MSI2: variants seen among roughly 807,000 people sequenced by gnomAD.
The protein encoded by MSI2 is musashi RNA binding protein 2.
A neutral mutation model predicts 45.6 loss-of-function variants in MSI2; 17 were observed. The observed-to-expected ratio is 0.37, with a 90% CI of 0.26 to 0.56. MSI2 has a LOEUF of 0.56. Ranked by LOEUF, MSI2 falls within the 20% of genes least tolerant of loss-of-function variation. The probability of loss-of-function intolerance (pLI) is 0.77; values close to 1 mark genes in which losing one functional copy is unlikely to be tolerated. For missense variants in MSI2, 293 were observed against 444.2 expected, an observed-to-expected ratio of 0.66 and a Z score of 3.06; for synonymous variants, 156 against 158.2, an observed-to-expected ratio of 0.99 and a Z score of 0.11.
At chr17:57,599,467 C>T (rs1905620733) in intron 8 of MSI2, among the ~76,000 whole-genome samples, 1 of 152,212 alleles carries the variant, frequency 6.6e-6, no homozygotes, top group Non-Finnish European at 1.5e-5. Context: ...ACCCATGGGG[C>T]TGGCTTGAAG....
intron 5 of MSI2, among the ~76,000 whole-genome samples, chr17:57,380,208 A>G (rs761059952): frequency 7.9e-5 from 12 of 152,136 alleles, no homozygotes; most frequent in Non-Finnish European, 1.5e-4. Flanking sequence ...GGAGCCACCC[A>G]CAATAGCATT....
intron 6 of MSI2, among the ~76,000 whole-genome samples, chr17:57,506,127 G>A (rs1217971426): frequency 3.9e-5 from 6 of 152,212 alleles, no homozygotes; most frequent in Non-Finnish European, 5.9e-5. Flanking sequence ...GTGGCAAGCG[G>A]AGGTGGGACG....
At chr17:57,469,970 G>A (rs954468583) in intron 6 of MSI2, among the ~76,000 whole-genome samples, 5 of 152,150 alleles carry the variant, frequency 3.3e-5, no homozygotes, top group African/African-American at 7.2e-5. Context: ...GATGCCTCAC[G>A]CTCTTTTCCC....
intron 5 of MSI2, among the ~76,000 whole-genome samples, chr17:57,297,897 A>G (rs186174096): frequency 1.4e-4 from 22 of 152,328 alleles, no homozygotes; most frequent in African/African-American, 4.6e-4. Context: ...GATTGCCGCA[A>G]TTCAGTCACA....
At chr17:57,566,114 C>T (rs1310156564) in intron 7 of MSI2, 2 of 152,134 alleles carry the variant, frequency 1.3e-5, no homozygotes, top group African/African-American at 2.4e-5. Context: ...GTTTTCTCCT[C>T]ATTTGGAGAA....
chr17:57,534,616 G>A (rs2144090376), intron 7 of MSI2, among the ~76,000 whole-genome samples: 1 of 152,324 alleles, frequency 6.6e-6, no homozygotes, highest in South Asian at 2.1e-4. Flanking sequence ...CCGGGAGGCT[G>A]AGGCAGGAGA....
chr17:57,379,861 A>T (rs527974327), intron 5 of MSI2, among the ~76,000 whole-genome samples: 30 of 152,268 alleles, frequency 2.0e-4, no homozygotes, highest in African/African-American at 7.2e-4. Context: ...GTTCTCGAAT[A>T]CGGTGACTCC....
chr17:57,346,906 C>T (rs1457604138), intron 5 of MSI2, among the ~76,000 whole-genome samples: 1 of 152,152 alleles, frequency 6.6e-6, no homozygotes, highest in African/African-American at 2.4e-5. Context: ...TGTGCCCAGC[C>T]AAAGTGTCCT....
At chr17:57,607,767 G>A (rs149125866) in intron 8 of MSI2, among the ~76,000 whole-genome samples, 10 of 152,318 alleles carry the variant, frequency 6.6e-5, no homozygotes, top group Admixed American at 1.3e-4. Flanking sequence ...CTAGGCTTCT[G>A]GGGTGGGGCC....
chr17:57,463,911 G>A (rs561063624), intron 6 of MSI2, among the ~76,000 whole-genome samples: 5 of 152,210 alleles, frequency 3.3e-5, no homozygotes, highest in Admixed American at 3.3e-4. Context: ...TCAGACTGAA[G>A]AGTTTACCTG....
In MSI2 at chr17:57,343,938, G is replaced by T. The variant is rs541995391; in HGVS notation, c.313-57441G>T. The stretch of plus-strand genomic sequence containing the variant: ...CGTAAGTGTTTTTGTGTCCTTCTCA[G>T]GGTATCGCATCTGGAGCACTTGATG... On this transcript the variant is annotated intron_variant, in intron 5 of 13. Transcript: ENST00000284073. 2.0e-5 allele frequency among the ~76,000 whole-genome samples: 3 copies of T among 152,308 alleles called. No homozygotes were observed. The South Asian group carries it at 6.2e-4, about 32-fold the overall frequency.
chr17:57,484,696 C>G (rs1362665774), intron 6 of MSI2, among the ~76,000 whole-genome samples: 1 of 152,194 alleles, frequency 6.6e-6, no homozygotes, highest in East Asian at 1.9e-4. Flanking sequence ...GTGGAGCATG[C>G]CCTGTGTCCT....
intron 5 of MSI2, among the ~76,000 whole-genome samples, chr17:57,368,330 C>A (rs1047099393): frequency 1.3e-5 from 2 of 151,918 alleles, no homozygotes; most frequent in African/African-American, 4.8e-5. Context: ...CTGAGGCGGG[C>A]GGATTGCTTG....
chr17:57,276,997 G>A (rs1480446142), intron 5 of MSI2, among the ~76,000 whole-genome samples: 1 of 151,020 alleles, frequency 6.6e-6, no homozygotes, highest in Non-Finnish European at 1.5e-5. Context: ...TCCTTGGGTT[G>A]TATCATGTTA....
intron 6 of MSI2, among the ~76,000 whole-genome samples, chr17:57,432,127 C>G (rs1372737186): frequency 6.6e-6 from 1 of 152,142 alleles, no homozygotes; most frequent in East Asian, 1.9e-4. Context: ...AAAAATTGAG[C>G]TGTCTTAATT....
At chr17:57,513,313 TA>T (rs1198270000) in intron 6 of MSI2, among the ~76,000 whole-genome samples, 5 of 152,152 alleles carry the variant, frequency 3.3e-5, no homozygotes, top group Non-Finnish European at 7.3e-5. Context: ...CACTATGAGA[TA>T]GGTACCAACT....
intron 11 of MSI2, among the ~76,000 whole-genome samples, chr17:57,656,102 C>T (rs895361359): frequency 3.3e-5 from 5 of 152,108 alleles, no homozygotes; most frequent in Admixed American, 6.5e-5. Context: ...CGGCACAGCA[C>T]GGCCGTCTGA....
At chr17:57,384,972 T>C (rs1188257548) in intron 5 of MSI2, among the ~76,000 whole-genome samples, 1 of 152,166 alleles carries the variant, frequency 6.6e-6, no homozygotes, top group African/African-American at 2.4e-5. Flanking sequence ...GACCCTTCCC[T>C]CTCCCTCCTT....
In MSI2 at chr17:57,257,005, T is replaced by TC. The variant is rs546253707; in HGVS notation, c.63-86dup. The stretch of plus-strand genomic sequence containing the variant: ...CACCTCCCGGCTCTCGCTCGCTCGC[T>TC]CCCCCCCGCTTTCCTTTTAGCTTTT... On this transcript the variant is annotated intron_variant, in intron 1 of 13. Transcript: ENST00000284073. 3.1e-4 allele frequency: 460 copies of TC among 1,483,634 alleles called. 2 individuals carry two copies. In the East Asian group the frequency reaches 7.2e-3, roughly 23 times the overall value. 91.9% of individuals were successfully genotyped at this position (1,483,634 alleles called of 1,614,324 possible). A position where few individuals can be genotyped will look rare whatever the true frequency, so the allele number is the denominator to read the frequency against.
Sources: gnomAD v4.1 joint callset for allele counts (sites outside exome capture counted in the v4.1 genomes callset) on GRCh38, gnomAD v4.1.1 for gene constraint, MANE v1.5 for transcripts, NCBI Gene and HGNC (gene_info 2026-07-23, HGNC 2026-07-21) for gene names.